The following METAP1D variants were observed in gnomAD, a reference collection of about 807,000 sequenced individuals.
METAP1D encodes the protein methionine aminopeptidase 1D, mitochondrial.
Under a neutral mutation model 40.5 loss-of-function variants are expected in METAP1D, and 31 were observed. The ratio of observed to expected loss-of-function variants is 0.77; its 90% CI spans 0.58 to 1.03. METAP1D has a LOEUF of 1.03. METAP1D is among the 50% of genes least tolerant of loss of function. The pLI is 0.00. For synonymous variants in METAP1D, 151 were observed against 146.4 expected (o/e 1.03, Z -0.22); for missense variants, 411 against 420.7 (o/e 0.98, Z 0.20).
At position 172,061,608 on chromosome 2, in the gene METAP1D, A is replaced by G. The variant is rs368069459; in HGVS notation, c.151A>G (p.Ser51Gly). 39 of 1,613,614 alleles carry G rather than the reference A, an allele frequency of 2.4e-5. No homozygotes were observed. Among genetic ancestry groups the G allele is most frequent in the African/African-American group, 1.3e-5 (1 of 74,932 alleles). Reference protein sequence around the residue: ...FFRRQRDISHSIVLPAAVSSA... With the variant: ...FFRRQRDISHGIVLPAAVSSA... ...TCGGAGACAAAGAGATATTTCACAC[A>G]GTATAGTTTTGCCGGCTGCAGTTTC... The change falls in exon 2 of 10, where the codon AGT (serine) becomes GGT (glycine). Residue 51 changes from serine to glycine, a missense_variant. Ser to Gly is a moderately conservative substitution (Grantham distance 56). Coordinates refer to ENST00000315796, the MANE Select transcript of METAP1D (RefSeq NM_199227.3).
Position 172,061,524 on chromosome 2 carries a change from C to T in METAP1D, c.67C>T (p.Leu23Phe). Residue 23 changes from leucine to phenylalanine, a missense_variant, in exon 2 of 10, where the codon CTC becomes TTC. Transcript: ENST00000315796. ...TTCTCATAGAATTTTCTCTTCACCA[C>T]TCAATCATATCTACTTACACAAGCA... ...RGSHRIFSSP[L>F]NHIYLHKQSS... 6.2e-7 allele frequency: 1 copy of T among 1,612,678 alleles called. No individual in the cohort carries two copies. Among genetic ancestry groups the T allele is most frequent in the Non-Finnish European group, 8.5e-7 (1 of 1,179,594 alleles).
chr2:172,073,982 T>C (rs1272820621), intron 6 of METAP1D, among the ~76,000 whole-genome samples: 1 of 152,230 alleles, frequency 6.6e-6, no homozygotes, highest in Non-Finnish European at 1.5e-5. Context: ...ATAATGTCTT[T>C]GAGGAAGTAT....
At chr2:172,017,726 A>G (rs1203706816) in intron 1 of METAP1D, among the ~76,000 whole-genome samples, 3 of 152,196 alleles carry the variant, frequency 2.0e-5, no homozygotes, top group African/African-American at 7.2e-5. Context: ...TCAAGCTGTC[A>G]TCATATCAGA....
At position 172,013,012 on chromosome 2, in the gene METAP1D, G is replaced by A. The variant is rs143358094; in HGVS notation, c.40+13003G>A. Reference sequence around the variant, plus strand: ...TTCTTATTGTGACTGTAAATCTGGAGAATTTAGGGGAAGAAAAATCAGTAA... The same window carrying A: ...TTCTTATTGTGACTGTAAATCTGGAAAATTTAGGGGAAGAAAAATCAGTAA... On this transcript the variant is annotated intron_variant, in intron 1 of 9. Transcript: ENST00000315796. Among the ~76,000 whole-genome samples the A allele has an allele frequency of 4.4e-3, 675 of 152,294 alleles. 5 individuals are homozygous for A. Among genetic ancestry groups the A allele is most frequent in the African/African-American group, 0.014 (572 of 41,560 alleles).
intron 1 of METAP1D, among the ~76,000 whole-genome samples, chr2:172,018,538 T>C (rs1385108162): frequency 2.0e-5 from 3 of 152,082 alleles, no homozygotes; most frequent in Non-Finnish European, 4.4e-5. Context: ...CTCTACAAAA[T>C]GTAATGACTA....
At chr2:172,018,776 C>G (rs1198318074) in intron 1 of METAP1D, among the ~76,000 whole-genome samples, 1 of 150,786 alleles carries the variant, frequency 6.6e-6, no homozygotes, top group Admixed American at 6.6e-5. Context: ...CGGGCTATTA[C>G]CTTTCTGCCC....
chr2:172,009,174 G>T (rs1374088257), intron 1 of METAP1D, among the ~76,000 whole-genome samples: 1 of 151,852 alleles, frequency 6.6e-6, no homozygotes, highest in African/African-American at 2.4e-5. Flanking sequence ...CCGAGTAGCT[G>T]GGACTAGGGG....
In METAP1D at chr2:172,007,653, G is replaced by A. The variant is rs141034453; in HGVS notation, c.40+7644G>A. ...TTGTCTAATTGGTTAAGACAGGTGG[G>A]AATTCTAGTACCAGTTATGCTGGAA... On this transcript the variant is annotated intron_variant, in intron 1 of 9. Transcript: ENST00000315796. Among the ~76,000 whole-genome samples, 711 of 152,216 alleles carry A rather than the reference G, an allele frequency of 4.7e-3. 1 individual carries two copies. Among genetic ancestry groups the A allele is most frequent in the Admixed American group, 7.3e-3 (111 of 15,280 alleles).
Position 172,002,370 on chromosome 2 carries a change from C to T in METAP1D, c.40+2361C>T, listed in dbSNP as rs919489572. Among the ~76,000 whole-genome samples the T allele has an allele frequency of 6.4e-4, 97 of 152,074 alleles. 1 individual carries two copies. The highest frequency in any genetic ancestry group is 2.2e-3 in the African/African-American group (91 of 41,398). On this transcript the variant is annotated intron_variant, in intron 1 of 9. Coordinates refer to ENST00000315796, the MANE Select transcript of METAP1D (RefSeq NM_199227.3). ...AATGACAAAAACTGTGATTACTTTGCACCAACTGTATATATAACATCTCTT... is the reference window on the plus strand; with the variant it reads ...AATGACAAAAACTGTGATTACTTTGTACCAACTGTATATATAACATCTCTT...
At chr2:172,071,701 C>T (rs1292499751) in intron 6 of METAP1D, among the ~76,000 whole-genome samples, 1 of 152,074 alleles carries the variant, frequency 6.6e-6, no homozygotes, top group East Asian at 1.9e-4. Flanking sequence ...TAATCTGTTA[C>T]CTACTTTTAG....
chr2:172,057,482 T>A (rs745570887), intron 1 of METAP1D, among the ~76,000 whole-genome samples: 5 of 152,152 alleles, frequency 3.3e-5, no homozygotes, highest in Non-Finnish European at 7.4e-5. Context: ...AACTAATAGT[T>A]CTGGCAGCCA....
At chr2:172,014,245 G>A (rs1359859585) in intron 1 of METAP1D, among the ~76,000 whole-genome samples, 1 of 151,998 alleles carries the variant, frequency 6.6e-6, no homozygotes, top group Non-Finnish European at 1.5e-5. Flanking sequence ...CCAAGTAGCT[G>A]GGATTACAGG....
chr2:172,009,292 T>C (rs1688658125), intron 1 of METAP1D, among the ~76,000 whole-genome samples: 1 of 151,756 alleles, frequency 6.6e-6, no homozygotes, highest in South Asian at 2.1e-4. Flanking sequence ...GTCCGCCCAC[T>C]TCGGCCTCCC....
chr2:172,027,497 T>C (rs921357118), intron 1 of METAP1D, among the ~76,000 whole-genome samples: 1 of 152,350 alleles, frequency 6.6e-6, no homozygotes, highest in Non-Finnish European at 1.5e-5. Flanking sequence ...CATCTAGGTT[T>C]GTGTAAGTAC....
At chr2:172,005,431 AT>A (rs2105370611) in intron 1 of METAP1D, among the ~76,000 whole-genome samples, 1 of 151,018 alleles carries the variant, frequency 6.6e-6, no homozygotes, top group African/African-American at 2.4e-5. Context: ...TTCACTTAGA[AT>A]AATGGCCTCC....
rs1176143796 is a variant in METAP1D, at chr2:172,077,807, C to A, written c.715C>A (p.His239Asn). The A allele has an allele frequency of 1.9e-6, 3 of 1,598,982 alleles. No individual in the cohort carries two copies. Among genetic ancestry groups the A allele is most frequent in the Non-Finnish European group, 2.6e-6 (3 of 1,168,456 alleles). Residue 239 changes from histidine to asparagine, a missense_variant, in exon 7 of 10, where the codon CAT becomes AAT. His to Asn is a moderately conservative substitution (Grantham distance 68). Transcript: ENST00000315796. The stretch of plus-strand genomic sequence containing the variant: ...TGGTCACTTTTAAAGCCACATAACT[C>A]ATCAGAATGGTTTTCAAGTCTGTCC... ...VIGNTISHIT[H>N]QNGFQVCPHF...
At chr2:172,031,890 G>A (rs1224116811) in intron 1 of METAP1D, among the ~76,000 whole-genome samples, 1 of 152,200 alleles carries the variant, frequency 6.6e-6, no homozygotes, top group African/African-American at 2.4e-5. Context: ...TTGTCAAAGT[G>A]CCTCAGCCAT....
chr2:172,022,163 CATG>C (rs1689022789), intron 1 of METAP1D, among the ~76,000 whole-genome samples: 1 of 152,198 alleles, frequency 6.6e-6, no homozygotes, highest in African/African-American at 2.4e-5. Context: ...GACTGATAAA[CATG>C]ATCCCACCCT....
intron 1 of METAP1D, among the ~76,000 whole-genome samples, chr2:172,033,083 TAA>T (rs1019801987): frequency 6.6e-6 from 1 of 150,904 alleles, no homozygotes; most frequent in Non-Finnish European, 1.5e-5. Context: ...AATAAATAAA[TAA>T]AAATAAAAAA....
Sources: gnomAD v4.1 joint callset for allele counts (sites outside exome capture counted in the v4.1 genomes callset) on GRCh38, gnomAD v4.1.1 for gene constraint, MANE v1.5 for transcripts, NCBI Gene and HGNC (gene_info 2026-07-23, HGNC 2026-07-21) for gene names.